Variants in OCA2 observed in about 807,000 individuals in gnomAD.
OCA2 encodes the protein P protein.
Under a neutral mutation model 100.2 loss-of-function variants are expected in OCA2, and 77 were observed. That is an observed-to-expected ratio of 0.77 (90% CI 0.64 to 0.93). The LOEUF (loss-of-function observed/expected upper bound fraction) is 0.93, where lower values mean the gene tolerates loss of function less well. Among genes scored for constraint, OCA2 ranks in the 40% least tolerant of loss-of-function variants. The pLI is 0.00. For synonymous variants in OCA2, 432 were observed against 439.2 expected, an observed-to-expected ratio of 0.98 and a Z score of 0.21; for missense variants, 1,062 against 1,089.1, an observed-to-expected ratio of 0.98 and a Z score of 0.35.
intron 23 of OCA2, among the ~76,000 whole-genome samples, chr15:27,779,703 T>G (rs2032437015): frequency 6.6e-6 from 1 of 152,236 alleles, no homozygotes; most frequent in Non-Finnish European, 1.5e-5. Flanking sequence ...ATCTTGCTTT[T>G]TTGAATCCAT....
the OCA2 span, among the ~76,000 whole-genome samples, chr15:27,745,088 T>A: frequency 6.6e-6 from 1 of 152,168 alleles, no homozygotes; most frequent in African/African-American, 2.4e-5. Flanking sequence ...CAGAGAGGGT[T>A]CTTGGATCTC....
intron 12 of OCA2, among the ~76,000 whole-genome samples, chr15:27,985,908 G>T (rs540789490): frequency 2.6e-5 from 4 of 152,292 alleles, no homozygotes; most frequent in Non-Finnish European, 5.9e-5. Flanking sequence ...CACCAGGATG[G>T]TCTCAACCTC....
Position 27,779,551 on chromosome 15 carries a change from C to G in OCA2, c.2433-24079G>C, listed in dbSNP as rs533579378. 2.6e-5 allele frequency among the ~76,000 whole-genome samples: 4 copies of G among 152,234 alleles called. No homozygotes were observed. The South Asian group carries it at 8.3e-4, about 32-fold the overall frequency. ...TCTTGTGACAGTTTCTTACTTAAAG[C>G]CTATCTTGTCTGATATAACTATAGC... On this transcript the variant is annotated intron_variant, in intron 23 of 23. Coordinates refer to ENST00000354638, the MANE Select transcript of OCA2 (RefSeq NM_000275.3).
chr15:28,042,265 A>G (rs2043225328), intron 2 of OCA2, among the ~76,000 whole-genome samples: 1 of 152,208 alleles, frequency 6.6e-6, no homozygotes, highest in South Asian at 2.1e-4. Context: ...CTGAAATACA[A>G]GATGAAAACT....
At chr15:27,769,792 C>T (rs2031568746) in intron 23 of OCA2, among the ~76,000 whole-genome samples, 1 of 152,178 alleles carries the variant, frequency 6.6e-6, no homozygotes, top group Admixed American at 6.5e-5. Flanking sequence ...GATGCACGAG[C>T]AAGCCGCCCG....
chr15:27,994,624 T>C (rs1289531852), intron 9 of OCA2, among the ~76,000 whole-genome samples: 2 of 152,342 alleles, frequency 1.3e-5, no homozygotes, highest in East Asian at 1.9e-4. Context: ...TGTGAGCTCC[T>C]GTGAGCATGG....
At chr15:27,974,942 G>T (rs963087189) in intron 14 of OCA2, among the ~76,000 whole-genome samples, 1 of 152,194 alleles carries the variant, frequency 6.6e-6, no homozygotes, top group African/African-American at 2.4e-5. Context: ...CACCTCCAGG[G>T]TCCTCACCTT....
chr15:28,040,925 C>T (rs971780806), intron 2 of OCA2, among the ~76,000 whole-genome samples: 3 of 152,074 alleles, frequency 2.0e-5, no homozygotes, highest in African/African-American at 7.2e-5. Flanking sequence ...AAATTAACAC[C>T]AATTCTTCTC....
chr15:28,098,683 C>A (rs939551807), intron 1 of OCA2, among the ~76,000 whole-genome samples: 1 of 152,216 alleles, frequency 6.6e-6, no homozygotes, highest in Non-Finnish European at 1.5e-5. Flanking sequence ...GTTCTGCAAA[C>A]CCAGAGCGTC....
At chr15:27,800,686 C>T (rs144133359) in intron 23 of OCA2, among the ~76,000 whole-genome samples, 2 of 151,980 alleles carry the variant, frequency 1.3e-5, no homozygotes, top group East Asian at 3.9e-4. Context: ...AAGTTGAGGC[C>T]AGGCATGGTG....
chr15:27,719,059 T>C, the OCA2 span, among the ~76,000 whole-genome samples: 4 of 152,230 alleles, frequency 2.6e-5, no homozygotes, highest in Non-Finnish European at 5.9e-5. Flanking sequence ...ACTTCTGACA[T>C]GAGCAAGGGT....
chr15:27,763,668 T>A (rs2031021693), intron 23 of OCA2, among the ~76,000 whole-genome samples: 1 of 152,118 alleles, frequency 6.6e-6, no homozygotes, highest in Non-Finnish European at 1.5e-5. Flanking sequence ...AGGCAGCAGA[T>A]GCCCAGGGCA....
intron 14 of OCA2, among the ~76,000 whole-genome samples, chr15:27,980,685 G>T (rs922798400): frequency 6.6e-6 from 1 of 152,158 alleles, no homozygotes. Context: ...TTTTCTTTCA[G>T]TATTTAAAGG....
intron 18 of OCA2, among the ~76,000 whole-genome samples, chr15:27,939,715 G>T (rs1208536136): frequency 6.6e-6 from 1 of 152,212 alleles, no homozygotes; most frequent in African/African-American, 2.4e-5. Flanking sequence ...ACACGGTCAG[G>T]AATCGTGCCT....
intron 21 of OCA2, among the ~76,000 whole-genome samples, chr15:27,854,767 G>A (rs887805868): frequency 1.3e-5 from 2 of 152,158 alleles, no homozygotes; most frequent in East Asian, 1.9e-4. Flanking sequence ...GTGAGGCCAC[G>A]GGGCCCCTAG....
At chr15:28,037,615 A>G (rs2043081483) in intron 2 of OCA2, among the ~76,000 whole-genome samples, 1 of 152,182 alleles carries the variant, frequency 6.6e-6, no homozygotes, top group African/African-American at 2.4e-5. Context: ...ATTAATAACA[A>G]CCATGGTCAT....
chr15:28,034,258 C>T (rs1045866670), intron 2 of OCA2, among the ~76,000 whole-genome samples: 2 of 152,144 alleles, frequency 1.3e-5, no homozygotes, highest in African/African-American at 4.8e-5. Flanking sequence ...AGTCACTGCA[C>T]TCCAGCCTGG....
chr15:27,947,950 G>A (rs1226919094), intron 18 of OCA2, among the ~76,000 whole-genome samples: 1 of 152,194 alleles, frequency 6.6e-6, no homozygotes, highest in Non-Finnish European at 1.5e-5. Flanking sequence ...GGCTGGGTCA[G>A]CCACATAGGA....
intron 21 of OCA2, among the ~76,000 whole-genome samples, chr15:27,859,891 T>TATAAA (rs75598633): frequency 1.1e-3 from 163 of 152,092 alleles, no homozygotes; most frequent in Non-Finnish European, 2.0e-3. Flanking sequence ...GGAAACAAAA[T>TATAAA]ATAAAATAAA....
Sources: allele counts gnomAD v4.1 joint callset (sites outside exome capture counted in the v4.1 genomes callset), GRCh38; gene constraint gnomAD v4.1.1; transcripts MANE v1.5; gene names NCBI Gene and HGNC (gene_info 2026-07-23, HGNC 2026-07-21).